The following L3MBTL4 variants were observed in gnomAD, a reference collection of about 807,000 sequenced individuals.
L3MBTL4 encodes lethal(3)malignant brain tumor-like protein 4.
In L3MBTL4, 70 loss-of-function variants were observed where a neutral mutation model predicts 84.5. The observed-to-expected ratio is 0.83, with a 90% CI of 0.68 to 1.01. L3MBTL4 has a LOEUF of 1.01. Among genes scored for constraint, L3MBTL4 ranks in the 50% least tolerant of loss-of-function variants. The pLI is 0.00. For missense variants in L3MBTL4, 715 were observed against 754.8 expected (o/e 0.95, Z 0.62); for synonymous variants, 274 against 259.8 (o/e 1.05, Z -0.52).
At chr18:6,400,538 T>G (rs1018025677) in intron 1 of L3MBTL4, among the ~76,000 whole-genome samples, 1 of 152,146 alleles carries the variant, frequency 6.6e-6, no homozygotes, top group African/African-American at 2.4e-5. Context: ...GCCTCCCAAA[T>G]AGCTGGGACT....
At chr18:6,341,503 G>A (rs2052608075) in intron 1 of L3MBTL4, among the ~76,000 whole-genome samples, 1 of 150,808 alleles carries the variant, frequency 6.6e-6, no homozygotes, top group South Asian at 2.1e-4. Context: ...AAATTCAACT[G>A]AGAGCTTCAA....
rs894251448 is a variant in L3MBTL4, at chr18:5,956,430, G to A, written c.1678-43C>T. On this transcript the variant is annotated intron_variant, in intron 18 of 18. Coordinates refer to ENST00000317931, the MANE Select transcript of L3MBTL4 (RefSeq NM_001330559.2). ...GACACAAATAAAAATGTTTTGCCAC[G>A]GAAGCCTGTTTACTCACCAGTAACA... 24 of 1,590,612 alleles carry A rather than the reference G, an allele frequency of 1.5e-5. No individual in the cohort carries two copies. The African/African-American group carries it at 1.7e-4, about 12-fold the overall frequency.
intron 14 of L3MBTL4, among the ~76,000 whole-genome samples, chr18:6,121,623 C>T (rs543985473): frequency 6.2e-4 from 94 of 152,150 alleles, no homozygotes; most frequent in African/African-American, 2.1e-3. Flanking sequence ...GGGAAGCAGA[C>T]ATTCAAGTAG....
At chr18:6,220,593 C>A (rs1447240808) in intron 10 of L3MBTL4, among the ~76,000 whole-genome samples, 2 of 152,172 alleles carry the variant, frequency 1.3e-5, no homozygotes, top group Non-Finnish European at 2.9e-5. Flanking sequence ...CTTATTGACA[C>A]CTAACACAGT....
chr18:6,372,381 C>T (rs562016998), intron 1 of L3MBTL4, among the ~76,000 whole-genome samples: 2 of 152,262 alleles, frequency 1.3e-5, no homozygotes, highest in South Asian at 4.1e-4. Context: ...TTGCCTCTGA[C>T]CCAGGAGTCT....
chr18:6,004,854 T>C (rs746629566), intron 16 of L3MBTL4, among the ~76,000 whole-genome samples: 12 of 151,934 alleles, frequency 7.9e-5, no homozygotes, highest in East Asian at 7.7e-4. Flanking sequence ...GGAGCGGCAA[T>C]GGGGAATTAT....
Position 6,290,525 on chromosome 18 carries a change from A to AT in L3MBTL4, c.127+11377dup, listed in dbSNP as rs750660190. Among the ~76,000 whole-genome samples, 1,122 of 138,060 alleles carry AT rather than the reference A, an allele frequency of 8.1e-3. 15 individuals carry two copies. Among genetic ancestry groups the AT allele is most frequent in the African/African-American group, 0.026 (959 of 36,668 alleles). 90.6% of individuals were successfully genotyped at this position (138,060 alleles called of 152,430 possible). A position where few individuals can be genotyped will look rare whatever the true frequency, so the allele number is the denominator to read the frequency against. ...CAAGTGAACTGACTGGAATTCTTTTATTTTTTTTTTTTAATTTTTTGAGAC... is the reference window on the plus strand; with the variant it reads ...CAAGTGAACTGACTGGAATTCTTTTATTTTTTTTTTTTTAATTTTTTGAGAC... On this transcript the variant is annotated intron_variant, in intron 4 of 18. Transcript: ENST00000317931.
chr18:5,987,593 CT>C (rs1417543859), intron 16 of L3MBTL4, among the ~76,000 whole-genome samples: 1 of 152,236 alleles, frequency 6.6e-6, no homozygotes, highest in African/African-American at 2.4e-5. Flanking sequence ...CCCTCTCCAC[CT>C]TTAGCAGCCA....
chr18:6,115,935 A>G (rs2144198843), intron 14 of L3MBTL4, among the ~76,000 whole-genome samples: 1 of 152,290 alleles, frequency 6.6e-6, no homozygotes, highest in East Asian at 1.9e-4. Flanking sequence ...TGATCCATGC[A>G]CAGCCAGTGT....
At chr18:6,277,916 T>A (rs562115437) in intron 4 of L3MBTL4, among the ~76,000 whole-genome samples, 1 of 152,128 alleles carries the variant, frequency 6.6e-6, no homozygotes, top group East Asian at 1.9e-4. Flanking sequence ...AGGTATAAAA[T>A]CTTATCATGT....
chr18:6,362,159 A>G (rs1303267495), intron 1 of L3MBTL4, among the ~76,000 whole-genome samples: 3 of 109,534 alleles, frequency 2.7e-5, no homozygotes, highest in African/African-American at 1.1e-4. Flanking sequence ...GGGGGGGAAG[A>G]GAAGGAAGGA....
intron 4 of L3MBTL4, among the ~76,000 whole-genome samples, chr18:6,271,811 C>A (rs377522): frequency 0.18 from 27,440 of 151,742 alleles, 5,487 homozygotes; most frequent in African/African-American, 0.5. Flanking sequence ...AGGGTTTTCA[C>A]GGGGCAGGGA....
rs763149251 is a variant in L3MBTL4, at chr18:5,969,578, G to T, written c.1445-16C>A. 8.1e-5 allele frequency: 128 copies of T among 1,575,720 alleles called. No individual in the cohort carries two copies. Among genetic ancestry groups the T allele is most frequent in the Non-Finnish European group, 1.1e-4 (126 of 1,157,632 alleles). On this transcript the variant is annotated splice_polypyrimidine_tract_variant and intron_variant, in intron 16 of 18. Coordinates refer to ENST00000317931, the MANE Select transcript of L3MBTL4 (RefSeq NM_001330559.2). ...ACCGAGTATTCTGTAAGAGAGGTGGGGTGGGGTGAGGCTCAGGCTCCCAGA... is the reference window on the plus strand; with the variant it reads ...ACCGAGTATTCTGTAAGAGAGGTGGTGTGGGGTGAGGCTCAGGCTCCCAGA...
intron 1 of L3MBTL4, among the ~76,000 whole-genome samples, chr18:6,357,420 C>G (rs902071266): frequency 1.3e-5 from 2 of 152,178 alleles, no homozygotes; most frequent in African/African-American, 2.4e-5. Flanking sequence ...TCTTTCCATT[C>G]TGCAGCTCGT....
intron 12 of L3MBTL4, among the ~76,000 whole-genome samples, chr18:6,208,693 C>T (rs1360400976): frequency 6.6e-6 from 1 of 152,152 alleles, no homozygotes; most frequent in African/African-American, 2.4e-5. Context: ...GATAAGGCAA[C>T]AGTAATGGGC....
At chr18:6,330,041 A>C (rs1195405559) in intron 1 of L3MBTL4, among the ~76,000 whole-genome samples, 2 of 152,204 alleles carry the variant, frequency 1.3e-5, no homozygotes, top group African/African-American at 4.8e-5. Flanking sequence ...GAGTGTGTAA[A>C]ACACATTTAT....
chr18:6,197,802 C>T (rs1037393861), intron 12 of L3MBTL4, among the ~76,000 whole-genome samples: 1 of 152,216 alleles, frequency 6.6e-6, no homozygotes, highest in Non-Finnish European at 1.5e-5. Context: ...TCCTGCCAGA[C>T]CCAGATTTCT....
At chr18:6,115,709 T>C (rs1042473374) in intron 14 of L3MBTL4, among the ~76,000 whole-genome samples, 9 of 152,126 alleles carry the variant, frequency 5.9e-5, no homozygotes, top group African/African-American at 2.2e-4. Context: ...GTTTACAGAG[T>C]AAGCATGGCA....
intron 16 of L3MBTL4, among the ~76,000 whole-genome samples, chr18:5,996,373 A>G (rs1287972283): frequency 6.6e-6 from 1 of 152,240 alleles, no homozygotes; most frequent in African/African-American, 2.4e-5. Context: ...GATTTGCTTC[A>G]GCCTCAAAGA....
Sources: gnomAD v4.1 joint callset for allele counts (sites outside exome capture counted in the v4.1 genomes callset) on GRCh38, gnomAD v4.1.1 for gene constraint, MANE v1.5 for transcripts, NCBI Gene and HGNC (gene_info 2026-07-23, HGNC 2026-07-21) for gene names.